SPHKAP: variants seen among roughly 807,000 people sequenced by gnomAD.
SPHKAP encodes the protein SPHK1 interactor, AKAP domain containing, also known as A-kinase anchor protein SPHKAP.
Under a neutral mutation model 137.5 loss-of-function variants are expected in SPHKAP, and 67 were observed. The observed-to-expected ratio is 0.49, with a 90% CI of 0.40 to 0.60. The LOEUF is 0.60. SPHKAP is among the 20% of genes least tolerant of loss of function. The pLI, the probability that SPHKAP is intolerant of heterozygous loss-of-function variation, is 0.00. For synonymous variants in SPHKAP, 813 were observed against 785.3 expected, an observed-to-expected ratio of 1.04 and a Z score of -0.59; for missense variants, 2,097 against 2,069.3, an observed-to-expected ratio of 1.01 and a Z score of -0.26.
intron 3 of SPHKAP, among the ~76,000 whole-genome samples, chr2:228,067,393 A>T: frequency 6.6e-6 from 1 of 152,238 alleles, no homozygotes; most frequent in South Asian, 2.1e-4. Context: ...ATAAAATTCA[A>T]TATAGGCTAC....
intron 1 of SPHKAP, among the ~76,000 whole-genome samples, chr2:228,139,640 C>G (rs942110373): frequency 2.6e-5 from 4 of 152,136 alleles, no homozygotes; most frequent in Admixed American, 2.6e-4. Flanking sequence ...TATAATCCTT[C>G]ATTCCGAAAA....
intron 3 of SPHKAP, among the ~76,000 whole-genome samples, chr2:228,067,881 A>T (rs2106296823): frequency 6.6e-6 from 1 of 152,326 alleles, no homozygotes; most frequent in East Asian, 1.9e-4. Context: ...GTCCTAGCCA[A>T]AGCAACTAGA....
chr2:228,122,918 A>T (rs193288140), intron 2 of SPHKAP, among the ~76,000 whole-genome samples: 1 of 152,046 alleles, frequency 6.6e-6, no homozygotes, highest in African/African-American at 2.4e-5. Flanking sequence ...CCCCTTCCCA[A>T]TGGTCTCAGA....
chr2:228,041,833 C>T (rs1308877714), intron 3 of SPHKAP, among the ~76,000 whole-genome samples: 2 of 151,770 alleles, frequency 1.3e-5, no homozygotes, highest in African/African-American at 4.8e-5. Flanking sequence ...GATGTGCAGA[C>T]TCTGGCTCTG....
At chr2:228,136,610 C>T (rs945409926) in intron 1 of SPHKAP, among the ~76,000 whole-genome samples, 8 of 152,142 alleles carry the variant, frequency 5.3e-5, no homozygotes, top group African/African-American at 9.7e-5. Flanking sequence ...GTTTGGTCCA[C>T]GGACCAGCAG....
chr2:227,986,799 T>C lies in SPHKAP; in HGVS notation c.4959+4201A>G, dbSNP rs78719574. ...AATGCAGGCTCAAAGATGAGAAAAA[T>C]ACCAATTTACTGTGAGAGGCAAGTC... On this transcript the variant is annotated intron_variant, in intron 11 of 11. Transcript: ENST00000392056. 4.2e-3 allele frequency among the ~76,000 whole-genome samples: 646 copies of C among 152,074 alleles called. 4 individuals are homozygous for C. The highest frequency in any genetic ancestry group is 0.014 in the African/African-American group (561 of 41,470).
chr2:228,036,757 A>G (rs1695619838), intron 3 of SPHKAP, among the ~76,000 whole-genome samples: 1 of 152,096 alleles, frequency 6.6e-6, no homozygotes, highest in African/African-American at 2.4e-5. Context: ...GCTGGAAACC[A>G]TCATTTTCCG....
intron 1 of SPHKAP, among the ~76,000 whole-genome samples, chr2:228,139,659 G>A (rs997190783): frequency 6.6e-6 from 1 of 152,112 alleles, no homozygotes; most frequent in Non-Finnish European, 1.5e-5. Context: ...AAAGTATCAA[G>A]CAAGTGAGCA....
intron 2 of SPHKAP, among the ~76,000 whole-genome samples, chr2:228,118,817 G>A (rs914136310): frequency 6.6e-6 from 1 of 152,072 alleles, no homozygotes; most frequent in Non-Finnish European, 1.5e-5. Context: ...AGCACCTGCT[G>A]TCTGTACTAG....
Position 228,033,900 on chromosome 2 carries a change from A to T in SPHKAP, c.247-6357T>A, listed in dbSNP as rs182801002. On this transcript the variant is annotated intron_variant, in intron 3 of 11. Coordinates refer to ENST00000392056, the MANE Select transcript of SPHKAP (RefSeq NM_001142644.2). Reference sequence around the variant, plus strand: ...AAGAAGTATGTAGAGGGAAATTTATACCACTAAATGCCCACAAGAGAAAGC... The same window carrying T: ...AAGAAGTATGTAGAGGGAAATTTATTCCACTAAATGCCCACAAGAGAAAGC... 4.6e-3 allele frequency among the ~76,000 whole-genome samples: 697 copies of T among 152,346 alleles called. 2 individuals are homozygous for T. The highest frequency in any genetic ancestry group is 7.4e-3 in the Non-Finnish European group (503 of 68,034).
chr2:228,153,045 C>T (rs1465376006), intron 1 of SPHKAP, among the ~76,000 whole-genome samples: 1 of 152,134 alleles, frequency 6.6e-6, no homozygotes, highest in Non-Finnish European at 1.5e-5. Context: ...GGCTCTCATT[C>T]TCTCTTGTCT....
rs552934987 is a variant in SPHKAP at position 228,145,464 on chromosome 2, T to C, written c.33-13379A>G. ...CATGTTGAAATTGGATTAAAGAATA[T>C]TCCTTAAGAAAGAGTTGGGAGGATA... is the stretch of plus-strand genomic sequence containing the variant. On this transcript the variant is annotated intron_variant, in intron 1 of 11. Transcript: ENST00000392056. 2.2e-3 allele frequency among the ~76,000 whole-genome samples: 338 copies of C among 152,262 alleles called. 1 individual carries two copies. The highest frequency in any genetic ancestry group is 6.5e-3 in the Admixed American group (100 of 15,288).
At chr2:228,115,851 A>C (rs1157623576) in intron 2 of SPHKAP, among the ~76,000 whole-genome samples, 2 of 152,140 alleles carry the variant, frequency 1.3e-5, no homozygotes, top group East Asian at 3.9e-4. Context: ...ATAGGTTAAA[A>C]TCGAATCCCC....
chr2:228,176,507 G>A (rs2106435174), intron 1 of SPHKAP, among the ~76,000 whole-genome samples: 1 of 152,334 alleles, frequency 6.6e-6, no homozygotes, highest in Non-Finnish European at 1.5e-5. Context: ...AGGCAGAGAA[G>A]CAACAGGTCA....
intron 1 of SPHKAP, among the ~76,000 whole-genome samples, chr2:228,141,840 A>T (rs1445874480): frequency 6.6e-6 from 1 of 152,218 alleles, no homozygotes; most frequent in Non-Finnish European, 1.5e-5. Flanking sequence ...AGAGAAAAGT[A>T]GTGGTATTGC....
intron 1 of SPHKAP, among the ~76,000 whole-genome samples, chr2:228,168,211 C>T (rs1700476773): frequency 6.6e-6 from 1 of 152,006 alleles, no homozygotes; most frequent in South Asian, 2.1e-4. Flanking sequence ...CTCCAACTTG[C>T]CACAAGAAAA....
chr2:228,040,574 C>CT (rs994874588), intron 3 of SPHKAP, among the ~76,000 whole-genome samples: 1 of 152,084 alleles, frequency 6.6e-6, no homozygotes, highest in Non-Finnish European at 1.5e-5. Context: ...TCCAGCTTCT[C>CT]TTTTTTTATT....
At position 227,980,352 on chromosome 2, in the gene SPHKAP, G is replaced by C. The variant is rs2106143498; in HGVS notation, c.*1365C>G. 6.6e-6 allele frequency: 1 copy of C among 152,316 alleles called. No homozygotes were observed. Among genetic ancestry groups the C allele is most frequent in the South Asian group, 2.1e-4 (1 of 4,820 alleles). 9.4% of individuals were successfully genotyped at this position (152,316 alleles called of 1,614,324 possible). On this transcript the variant is annotated 3_prime_UTR_variant, in exon 12 of 12. Coordinates refer to ENST00000392056, the MANE Select transcript of SPHKAP (RefSeq NM_001142644.2). ...TGCATTTCAAAATGTGGATGATAGA[G>C]AAGGTGAGGCCAGCATTCATGGTAT...
At chr2:228,159,960 C>G (rs1202860332) in intron 1 of SPHKAP, among the ~76,000 whole-genome samples, 2 of 152,218 alleles carry the variant, frequency 1.3e-5, no homozygotes, top group East Asian at 3.8e-4. Context: ...GAGCCAGGAG[C>G]TTCTTGTTCA....
Sources: allele counts gnomAD v4.1 joint callset (sites outside exome capture counted in the v4.1 genomes callset), GRCh38; gene constraint gnomAD v4.1.1; transcripts MANE v1.5; gene names NCBI Gene and HGNC (gene_info 2026-07-23, HGNC 2026-07-21).